Variants in LAMB1 observed in about 807,000 individuals in gnomAD.
LAMB1 encodes the protein laminin subunit beta-1.
In LAMB1, 121 loss-of-function variants were observed where a neutral mutation model predicts 222.3. The ratio of observed to expected loss-of-function variants is 0.54; its 90% CI spans 0.47 to 0.63. LAMB1 has a LOEUF of 0.63. Among genes scored for constraint, LAMB1 ranks in the 30% least tolerant of loss-of-function variants. The pLI, the probability that LAMB1 is intolerant of heterozygous loss-of-function variation, is 0.00. For missense variants in LAMB1, 2,172 were observed against 2,240.8 expected, an observed-to-expected ratio of 0.97 and a Z score of 0.62; for synonymous variants, 794 against 807.2, an observed-to-expected ratio of 0.98 and a Z score of 0.28.
In LAMB1 at chr7:107,929,190, ATC is replaced by A; in HGVS notation, c.4759_4760del (p.Asp1587CysfsTer2). 1 of 1,613,992 alleles carries A rather than the reference ATC, an allele frequency of 6.2e-7. No individual in the cohort carries two copies. The highest frequency in any genetic ancestry group is 1.7e-5 in the Admixed American group (1 of 59,996). ...EAKRASKSAT[D>X]VKVTADMVKE... ...TTACCATATCTGCAGTGACTTTAAC[ATC>A]TGTTGCACTTTTGCTGAGTAAAAAA... On this transcript the variant is annotated frameshift_variant, in exon 31 of 34. Coordinates refer to ENST00000222399, the MANE Select transcript of LAMB1 (RefSeq NM_002291.3). LOFTEE classifies it high-confidence loss of function.
chr7:107,945,368 C>T (rs2033093587), intron 24 of LAMB1, among the ~76,000 whole-genome samples: 1 of 152,224 alleles, frequency 6.6e-6, no homozygotes, highest in African/African-American at 2.4e-5. Flanking sequence ...TTACATCCTT[C>T]CCTCTCCTCC....
At chr7:107,962,767 G>A (rs564267907) in intron 15 of LAMB1, 138 bp downstream of exon 15, 2 of 511,758 alleles carry the variant, frequency 3.9e-6, no homozygotes, top group East Asian at 3.3e-5. Context: ...TTCCATGGAG[G>A]AGGTGAGACT....
chr7:107,971,094 TTTTG>T (rs2033740016), intron 13 of LAMB1, among the ~76,000 whole-genome samples: 1 of 152,216 alleles, frequency 6.6e-6, no homozygotes. Flanking sequence ...ATTATTAAAC[TTTTG>T]TTGTACTACC....
chr7:108,001,749 G>A lies in LAMB1; in HGVS notation c.38-16C>T, dbSNP rs374874262. On this transcript the variant is annotated splice_polypyrimidine_tract_variant and intron_variant, in intron 2 of 33. Coordinates refer to ENST00000222399, the MANE Select transcript of LAMB1 (RefSeq NM_002291.3). ...CTGCACAGGGCTGCGGGAAGGACAG[G>A]CAACAGAGTTGGGGGGACACAAGCA... The A allele has an allele frequency of 6.2e-6, 10 of 1,611,908 alleles. No homozygotes were observed. The African/African-American group carries it at 1.1e-4, about 17-fold the overall frequency.
intron 4 of LAMB1, among the ~76,000 whole-genome samples, chr7:107,997,251 A>G (rs1231462079): frequency 1.3e-5 from 2 of 152,080 alleles, no homozygotes; most frequent in African/African-American, 4.8e-5. Flanking sequence ...GTGAAACCCC[A>G]CCTCTACTAA....
At chr7:107,947,304 T>A (rs1272753501) in intron 24 of LAMB1, among the ~76,000 whole-genome samples, 1 of 152,264 alleles carries the variant, frequency 6.6e-6, no homozygotes, top group Non-Finnish European at 1.5e-5. Flanking sequence ...TATAAGCATA[T>A]TGTTAGCTAG....
chr7:107,974,930 A>G (rs2150438366), intron 12 of LAMB1, 56 bp downstream of exon 12: 1 of 1,016,594 alleles, frequency 9.8e-7, no homozygotes, highest in Non-Finnish European at 1.5e-6. Flanking sequence ...AGGCTTCTCT[A>G]TTAAAACATG....
chr7:107,965,245 G>T (rs2033607752), intron 13 of LAMB1, among the ~76,000 whole-genome samples: 1 of 152,184 alleles, frequency 6.6e-6, no homozygotes, highest in African/African-American at 2.4e-5. Context: ...TCTGCATCTT[G>T]TGTCTCTCTT....
rs752315743 is a variant in LAMB1 at position 107,929,491 on chromosome 7, G to C, written c.4666C>G (p.Gln1556Glu). The change falls in exon 30 of 34, where the codon CAA (glutamine) becomes GAA (glutamate). Residue 1556 changes from glutamine (Q) to glutamate (E), a missense_variant. Gln to Glu is a conservative substitution (Grantham distance 29). Coordinates refer to ENST00000222399, the MANE Select transcript of LAMB1 (RefSeq NM_002291.3). The part of the protein sequence containing the change: ...DIRERVESLS[Q>E]VEVILQHSAA... Reference sequence around the variant, plus strand: ...CTATGCTGAAGAATAACCTCTACTTGAGAAAGGCTTTCAACTCGTTCACGT... The same window carrying C: ...CTATGCTGAAGAATAACCTCTACTTCAGAAAGGCTTTCAACTCGTTCACGT... The C allele has an allele frequency of 3.8e-5, 62 of 1,613,950 alleles. No individual in the cohort carries two copies. Among genetic ancestry groups the C allele is most frequent in the Non-Finnish European group, 4.9e-5 (58 of 1,180,000 alleles).
Position 107,940,259 on chromosome 7 carries a change from T to C in LAMB1, c.3491A>G (p.Lys1164Arg), listed in dbSNP as rs1009875717. 6.2e-7 allele frequency: 1 copy of C among 1,614,180 alleles called. No homozygotes were observed. The highest frequency in any genetic ancestry group is 1.6e-4 in the Middle Eastern group (1 of 6,062). Residue 1164 changes from lysine (K) to arginine (R), a missense_variant, in exon 25 of 34, where the codon AAG (lysine) becomes AGG (arginine). Physicochemically the swap from Lys to Arg is conservative, Grantham distance 26. Coordinates refer to ENST00000222399, the MANE Select transcript of LAMB1 (RefSeq NM_002291.3). ...VEGVEGPRCD[K>R]CTRGYSGVFP... ...GACCCCCGAGTACCCTCGCGTGCAC[T>C]TGTCACAGCGTGGACCCTCAACACC...
At chr7:107,992,740 C>T (rs1253150621) in intron 5 of LAMB1, among the ~76,000 whole-genome samples, 1 of 152,090 alleles carries the variant, frequency 6.6e-6, no homozygotes, top group African/African-American at 2.4e-5. Context: ...ACCAAAAATA[C>T]AAAAATTAGC....
In LAMB1 at chr7:107,959,277, C is replaced by A. The variant is rs1562989382; in HGVS notation, c.2662G>T (p.Asp888Tyr). The change falls in exon 20 of 34, where the codon GAC becomes TAC. Residue 888 changes from aspartate (D) to tyrosine (Y), a missense_variant. Physicochemically the swap from Asp to Tyr is radical, Grantham distance 160 (BLOSUM62 -3). Coordinates refer to ENST00000222399, the MANE Select transcript of LAMB1 (RefSeq NM_002291.3). ...PVTGECLNCQDYTMGHNCERC... is the reference protein window; with the variant it reads ...PVTGECLNCQYYTMGHNCERC... ...TCACAGTTATGACCCATGGTGTAGT[C>A]CTGGCAGTTCAAGCACTCCCCAGTC... The A allele has an allele frequency of 6.2e-7, 1 of 1,614,148 alleles. No individual in the cohort carries two copies. The highest frequency in any genetic ancestry group is 8.5e-7 in the Non-Finnish European group (1 of 1,179,996).
At chr7:107,979,301 G>C (rs1368370304) in intron 8 of LAMB1, among the ~76,000 whole-genome samples, 3 of 152,156 alleles carry the variant, frequency 2.0e-5, no homozygotes, top group Non-Finnish European at 4.4e-5. Context: ...TGGAGTAAAG[G>C]GAAGGCAGAA....
At chr7:107,983,305 T>C (rs1468605509) in intron 7 of LAMB1, among the ~76,000 whole-genome samples, 7 of 152,106 alleles carry the variant, frequency 4.6e-5, no homozygotes, top group Non-Finnish European at 7.4e-5. Context: ...TAGGGCCTTG[T>C]GCAGCTGGGA....
At chr7:107,944,406 C>G (rs1274288929) in intron 24 of LAMB1, among the ~76,000 whole-genome samples, 1 of 152,176 alleles carries the variant, frequency 6.6e-6, no homozygotes, top group East Asian at 1.9e-4. Flanking sequence ...AGCTTCGGCT[C>G]TCTCCAGAAG....
rs76246375 is a variant in LAMB1 at position 107,933,901 on chromosome 7, G to A, written c.4188+1514C>T. 7.6e-3 allele frequency among the ~76,000 whole-genome samples: 1,160 copies of A among 152,226 alleles called. 17 individuals carry two copies. The highest frequency in any genetic ancestry group is 0.027 in the African/African-American group (1,122 of 41,524). ...GCCCATGCATCTCCCTGCCGCCCAC[G>A]GAGATGCCTCCGGTTCAAGACAAAA... On this transcript the variant is annotated intron_variant, in intron 27 of 33. Coordinates refer to ENST00000222399, the MANE Select transcript of LAMB1 (RefSeq NM_002291.3).
At position 107,964,295 on chromosome 7, in the gene LAMB1, A is replaced by G. The variant is rs1241436146; in HGVS notation, c.1698+257T>C. On this transcript the variant is annotated intron_variant, in intron 14 of 33. Transcript: ENST00000222399. ...ACTTTGGAGCATAAGTAGAGAGAAG[A>G]AAAGTTTCTTGTAAAGACACATTTC... Among the ~76,000 whole-genome samples the G allele has an allele frequency of 2.6e-5, 4 of 152,204 alleles. No homozygotes were observed. The South Asian group carries it at 6.2e-4, about 24-fold the overall frequency.
chr7:107,988,526 A>C (rs2034124182), intron 5 of LAMB1, among the ~76,000 whole-genome samples: 1 of 152,228 alleles, frequency 6.6e-6, no homozygotes, highest in African/African-American at 2.4e-5. Context: ...GGGGCTAGAC[A>C]AGGAAAACAG....
At chr7:107,926,627 C>CA (rs1026312256) in intron 31 of LAMB1, among the ~76,000 whole-genome samples, 16 of 151,588 alleles carry the variant, frequency 1.1e-4, no homozygotes, top group Non-Finnish European at 7.4e-5. Context: ...TAAAAAAAAA[C>CA]AAAAAACCCC....
Sources: allele counts gnomAD v4.1 joint callset (sites outside exome capture counted in the v4.1 genomes callset), GRCh38; gene constraint gnomAD v4.1.1; transcripts MANE v1.5; gene names NCBI Gene and HGNC (gene_info 2026-07-23, HGNC 2026-07-21).